MYO18B: variants seen among roughly 807,000 people sequenced by gnomAD.
MYO18B encodes the protein myosin XVIIIB.
MYO18B carries 204 observed loss-of-function variants against 273.0 expected under a neutral mutation model. That is an observed-to-expected ratio of 0.75 (90% CI 0.67 to 0.84). The LOEUF (loss-of-function observed/expected upper bound fraction) is 0.84, where lower values mean the gene tolerates loss of function less well. Ranked by LOEUF, MYO18B falls within the 40% of genes least tolerant of loss-of-function variation. The probability of loss-of-function intolerance (pLI) is 0.00; values close to 1 mark genes in which losing one functional copy is unlikely to be tolerated. For synonymous variants in MYO18B, 1,330 were observed against 1,305.7 expected (o/e 1.02, Z -0.40); for missense variants, 3,212 against 3,287.6 (o/e 0.98, Z 0.56).
intron 42 of MYO18B, chr22:26,006,518 T>C (rs1934432651): frequency 3.6e-6 from 1 of 278,506 alleles, no homozygotes; most frequent in Non-Finnish European, 7.4e-6. Context: ...GCATAATCTA[T>C]AGGAAAACGT....
chr22:25,777,840 G>A, intron 8 of MYO18B, 59 bp downstream of exon 8: 1 of 1,467,956 alleles, frequency 6.8e-7, no homozygotes, highest in Non-Finnish European at 9.2e-7. Flanking sequence ...AGTTGGAAGG[G>A]GATGCTGAGC....
chr22:25,881,884 G>A (rs2091346863), intron 25 of MYO18B, among the ~76,000 whole-genome samples: 1 of 152,192 alleles, frequency 6.6e-6, no homozygotes, highest in Non-Finnish European at 1.5e-5. Flanking sequence ...GTGTATGGAA[G>A]CCAGGGGAAG....
chr22:25,930,229 C>T (rs2092479017), intron 34 of MYO18B, among the ~76,000 whole-genome samples: 1 of 152,158 alleles, frequency 6.6e-6, no homozygotes, highest in African/African-American at 2.4e-5. Flanking sequence ...GCCTCTCCTT[C>T]CCCACAATCT....
At position 25,787,284 on chromosome 22, in the gene MYO18B, A is replaced by G. The variant is rs1021579361; in HGVS notation, c.2376+1793A>G. On this transcript the variant is annotated intron_variant, in intron 11 of 43. Coordinates refer to ENST00000335473, the MANE Select transcript of MYO18B (RefSeq NM_032608.7). ...CGTGCAGGCGCGCGCACACACACACACACACACACACACACACACACACAC... is the reference window on the plus strand; with the variant it reads ...CGTGCAGGCGCGCGCACACACACACGCACACACACACACACACACACACAC... Among the ~76,000 whole-genome samples, 508 of 71,190 alleles carry G rather than the reference A, an allele frequency of 7.1e-3. 2 individuals are homozygous for G. Among genetic ancestry groups the G allele is most frequent in the Non-Finnish European group, 0.011 (334 of 30,252 alleles). The allele number at this position is 71,190 out of a possible 152,430, so 46.7% of individuals were successfully genotyped here. A position where few individuals can be genotyped will look rare whatever the true frequency, so the allele number is the denominator to read the frequency against.
intron 34 of MYO18B, among the ~76,000 whole-genome samples, chr22:25,941,430 C>CTCTCTGT (rs2092643035): frequency 6.6e-6 from 1 of 152,220 alleles, no homozygotes; most frequent in South Asian, 2.1e-4. Context: ...CTACCCACTG[C>CTCTCTGT]TCTCTGATGG....
intron 11 of MYO18B, among the ~76,000 whole-genome samples, chr22:25,789,622 C>T (rs371339278): frequency 6.3e-5 from 7 of 110,828 alleles, no homozygotes; most frequent in South Asian, 3.4e-4. Context: ...AGTGACAGAG[C>T]GAGACTGTCT....
chr22:25,860,487 G>A (rs373737872), intron 21 of MYO18B, among the ~76,000 whole-genome samples: 10 of 152,218 alleles, frequency 6.6e-5, no homozygotes, highest in African/African-American at 2.4e-4. Context: ...CATGGTTAAA[G>A]CATACATTTT....
intron 12 of MYO18B, among the ~76,000 whole-genome samples, chr22:25,822,315 C>A (rs552588708): frequency 6.6e-6 from 1 of 152,316 alleles, no homozygotes; most frequent in Admixed American, 6.5e-5. Context: ...AGATAGAACC[C>A]ACTTTGACCA....
chr22:26,036,788 G>A, the MYO18B span, among the ~76,000 whole-genome samples: 5 of 152,334 alleles, frequency 3.3e-5, no homozygotes, highest in East Asian at 9.7e-4. Context: ...ATTGGAGGAT[G>A]CAGTCCCTTA....
At chr22:25,803,944 A>G (rs1165172259) in intron 12 of MYO18B, among the ~76,000 whole-genome samples, 1 of 148,090 alleles carries the variant, frequency 6.8e-6, no homozygotes, top group Non-Finnish European at 1.5e-5. Flanking sequence ...ACGGTAAGAA[A>G]CATTTTACCT....
intron 12 of MYO18B, among the ~76,000 whole-genome samples, chr22:25,800,822 C>T (rs2088163134): frequency 6.6e-6 from 1 of 152,222 alleles, no homozygotes; most frequent in Non-Finnish European, 1.5e-5. Context: ...GCTCAAGGAC[C>T]TGACCCATCA....
chr22:26,018,747 G>A (rs1935574992), intron 42 of MYO18B, among the ~76,000 whole-genome samples: 1 of 152,208 alleles, frequency 6.6e-6, no homozygotes, highest in Non-Finnish European at 1.5e-5. Flanking sequence ...GGGGTCAGGA[G>A]TTGGAGACCA....
intron 10 of MYO18B, among the ~76,000 whole-genome samples, chr22:25,784,160 G>T (rs908223287): frequency 6.6e-6 from 1 of 152,156 alleles, no homozygotes. Flanking sequence ...ACCTGCCAGC[G>T]CAGTCTCCCT....
chr22:25,846,419 A>G (rs2090248278), intron 19 of MYO18B, 136 bp downstream of exon 19: 2 of 955,088 alleles, frequency 2.1e-6, no homozygotes, highest in Non-Finnish European at 1.5e-6. Context: ...CCCACGCTCC[A>G]CAGAGGAGGA....
chr22:25,910,913 A>G (rs1195512333), intron 32 of MYO18B, 33 bp from the exon 33 acceptor site: 10 of 1,514,544 alleles, frequency 6.6e-6, no homozygotes, highest in Non-Finnish European at 8.1e-6. Context: ...GAGTTCATTT[A>G]CCCTGTGATG....
At chr22:25,890,977 A>T (rs1282519879) in intron 26 of MYO18B, 102 bp downstream of exon 26, 1 of 1,466,874 alleles carries the variant, frequency 6.8e-7, no homozygotes, top group Non-Finnish European at 9.1e-7. Context: ...CTTAAGCAAG[A>T]TGCACAGGTT....
chr22:26,011,151 T>C (rs1934884097), intron 42 of MYO18B, among the ~76,000 whole-genome samples: 1 of 151,332 alleles, frequency 6.6e-6, no homozygotes, highest in Admixed American at 6.6e-5. Flanking sequence ...CCAACCTCTC[T>C]GCTCTGCTGT....
At chr22:25,772,636 CCTT>C (rs1452588075) in intron 7 of MYO18B, 126 bp downstream of exon 7, 2 of 963,496 alleles carry the variant, frequency 2.1e-6, no homozygotes, top group Non-Finnish European at 3.0e-6. Context: ...CAAGCAGCAT[CCTT>C]CTCGCGGCAT....
chr22:26,039,187 C>A, the MYO18B span, among the ~76,000 whole-genome samples: 2 of 152,166 alleles, frequency 1.3e-5, no homozygotes, highest in African/African-American at 4.8e-5. Flanking sequence ...ATGGGTCTTT[C>A]TCTCCCAGTC....
Sources: allele counts gnomAD v4.1 joint callset (sites outside exome capture counted in the v4.1 genomes callset), GRCh38; gene constraint gnomAD v4.1.1; transcripts MANE v1.5; gene names NCBI Gene and HGNC (gene_info 2026-07-23, HGNC 2026-07-21).